The following ESPL1 variants were observed in gnomAD, a reference collection of about 807,000 sequenced individuals.
ESPL1 encodes extra spindle pole bodies like 1, separase.
In ESPL1, 50 loss-of-function variants were observed where a neutral mutation model predicts 217.2. That is an observed-to-expected ratio of 0.23 (90% CI 0.18 to 0.29). The LOEUF is 0.29. ESPL1 is among the 10% of genes least tolerant of loss of function. ESPL1 has a pLI of 1.00. For missense variants in ESPL1, 1,834 were observed against 2,603.0 expected (o/e 0.70, Z 6.43); for synonymous variants, 994 against 1,081.3 (o/e 0.92, Z 1.58).
rs750578646 is a variant in ESPL1, at chr12:53,293,116, C to T, written c.6161+146C>T. On this transcript the variant is annotated intron_variant, in intron 30 of 30. Coordinates refer to ENST00000257934, the MANE Select transcript of ESPL1 (RefSeq NM_012291.5). The surrounding 1 kb of genome is among the most constrained non-coding windows in gnomAD (Gnocchi z 4.2). ...TCCCTGGCATGCCTGGACCATTAAC[C>T]CTTAGCTCCCTTCTGTTCTTCTCTT... The T allele has an allele frequency of 1.5e-5, 15 of 971,412 alleles. No individual in the cohort carries two copies. The highest frequency in any genetic ancestry group is 4.5e-5 in the Admixed American group (2 of 44,078). The allele number at this position is 971,412 out of a possible 1,614,324, so 60.2% of individuals were successfully genotyped here. A position where few individuals can be genotyped will look rare whatever the true frequency, so the allele number is the denominator to read the frequency against.
rs778610454 is a variant in ESPL1 at position 53,288,082 on chromosome 12, G to A, written c.4287G>A (p.Arg1429=). The A allele has an allele frequency of 1.2e-6, 2 of 1,613,704 alleles. No homozygotes were observed. The highest frequency in any genetic ancestry group is 3.3e-5 in the Admixed American group (2 of 60,032). ...CTTCCCGGGGCCGGGGGCGAGCAAG[G>A]AAGGGCCTGAGCCTAAAGACGGATG... The part of the protein sequence containing the change: ...GTASRGRGRA[R]KGLSLKTDAV... The change falls in exon 19 of 31, where the codon AGG becomes AGA. Residue 1429 remains arginine, a synonymous_variant. Transcript: ENST00000257934.
At chr12:53,278,386 A>G (rs12828676) in intron 11 of ESPL1, among the ~76,000 whole-genome samples, 1 of 151,648 alleles carries the variant, frequency 6.6e-6, no homozygotes, top group African/African-American at 2.4e-5. Context: ...CTGAGGCAGG[A>G]GAATCCCTTG....
chr12:53,284,031 T>G, intron 16 of ESPL1, 27 bp from the exon 17 acceptor site: 1 of 1,489,694 alleles, frequency 6.7e-7, no homozygotes, highest in Non-Finnish European at 9.4e-7. Context: ...ATTCCTCTGA[T>G]TGGTTCTCCT....
intron 12 of ESPL1, among the ~76,000 whole-genome samples, chr12:53,280,856 G>T (rs1476389798): frequency 6.6e-6 from 1 of 151,728 alleles, no homozygotes; most frequent in East Asian, 2.0e-4. Context: ...AGCCAGGTAT[G>T]GTGGCGCATG....
rs1461898150 is a variant in ESPL1 at position 53,269,218 on chromosome 12, T to C, written c.276T>C (p.Arg92=). 6.2e-7 allele frequency: 1 copy of C among 1,614,100 alleles called. No homozygotes were observed. Among genetic ancestry groups the C allele is most frequent in the Non-Finnish European group, 8.5e-7 (1 of 1,179,998 alleles). The change falls in exon 3 of 31, where the codon CGT becomes CGC. Residue 92 remains arginine (R), a synonymous_variant. Coordinates refer to ENST00000257934, the MANE Select transcript of ESPL1 (RefSeq NM_012291.5). The surrounding 1 kb of genome is among the most constrained non-coding windows in gnomAD (Gnocchi z 6.7). ...GCTACTTAGTGTCTACCCCACAGCG[T>C]CCTCCCCTCTACCTGGAACGAATTC... is the stretch of plus-strand genomic sequence containing the variant. ...CDGYLVSTPQ[R]PPLYLERILF...
chr12:53,286,383 C>T lies in ESPL1; in HGVS notation c.3647C>T (p.Pro1216Leu). The T allele has an allele frequency of 6.2e-7, 1 of 1,614,214 alleles. No homozygotes were observed. Among genetic ancestry groups the T allele is most frequent in the Non-Finnish European group, 8.5e-7 (1 of 1,180,042 alleles). The stretch of plus-strand genomic sequence containing the variant: ...CATAAAACACCCCCCTCCTTGGTTC[C>T]AAGCCTCTTGGATGAGATCTTGGCT... ...LNHKTPPSLV[P>L]SLLDEILAQA... Residue 1216 changes from proline (P) to leucine (L), a missense_variant, in exon 18 of 31, where the codon CCA (proline) becomes CTA (leucine). Coordinates refer to ENST00000257934, the MANE Select transcript of ESPL1 (RefSeq NM_012291.5). The surrounding 1 kb of genome is among the most constrained non-coding windows in gnomAD (Gnocchi z 5.3).
intron 12 of ESPL1, 57 bp downstream of exon 12, chr12:53,279,923 C>T (rs1482575387): frequency 2.0e-6 from 3 of 1,489,338 alleles, no homozygotes; most frequent in African/African-American, 1.4e-5. Context: ...CTTTAGAGGC[C>T]CACCTCTGAG....
Position 53,277,954 on chromosome 12 carries a change from G to T in ESPL1, c.2358G>T (p.Val786=), listed in dbSNP as rs1385087388. The change falls in exon 11 of 31, where the codon GTG becomes GTT. Residue 786 remains valine (V), a synonymous_variant. Coordinates refer to ENST00000257934, the MANE Select transcript of ESPL1 (RefSeq NM_012291.5). ...TCCTAGCAGCCCTCTACCAGCTGGT[G>T]GCAAAGGTAATGGGGTGGGGCATTG... The part of the protein sequence containing the change: ...LQILAALYQL[V]AKPMQALEVL... The T allele has an allele frequency of 1.2e-6, 2 of 1,613,444 alleles. No homozygotes were observed. Among genetic ancestry groups the T allele is most frequent in the Non-Finnish European group, 1.7e-6 (2 of 1,179,912 alleles).
At chr12:53,289,992 C>A in intron 22 of ESPL1, 93 bp from the exon 23 acceptor site, 1 of 1,457,520 alleles carries the variant, frequency 6.9e-7, no homozygotes. Context: ...CTTCTTGATG[C>A]TGGCTTGAGT....
Position 53,269,351 on chromosome 12 carries a change from C to A in ESPL1, c.409C>A (p.Pro137Thr). The change falls in exon 3 of 31, where the codon CCC becomes ACC. Residue 137 changes from proline (P) to threonine (T), a missense_variant. Pro to Thr is a conservative substitution (Grantham distance 38, BLOSUM62 -1). This residue lies in a region of ESPL1 where 746 missense variants were observed against 1,077.0 expected (regional missense o/e 0.69). Transcript: ENST00000257934. The surrounding 1 kb of genome is among the most constrained non-coding windows in gnomAD (Gnocchi z 6.7). Reference protein sequence around the residue: ...CLVQCSREAAPQDYEAVARGS... With the variant: ...CLVQCSREAATQDYEAVARGS... The stretch of plus-strand genomic sequence containing the variant: ...GGTGCAGTGCTCTCGCGAGGCTGCT[C>A]CCCAGGACTATGAGGCCGTGGCTCG... The A allele has an allele frequency of 6.2e-7, 1 of 1,614,056 alleles. No homozygotes were observed. Among genetic ancestry groups the A allele is most frequent in the East Asian group, 2.2e-5 (1 of 44,880 alleles).
chr12:53,268,679 C>T (rs1487466325), intron 1 of ESPL1, 76 bp from the exon 2 acceptor site: 6 of 850,266 alleles, frequency 7.1e-6, no homozygotes, highest in Non-Finnish European at 1.1e-5. Context: ...TGCCTCCTTC[C>T]ACGACCTTCA....
In ESPL1 at chr12:53,290,850, G is replaced by A. The variant is rs922657236; in HGVS notation, c.5374G>A (p.Ala1792Thr). The change falls in exon 25 of 31, where the codon GCT (alanine) becomes ACT (threonine). Residue 1792 changes from alanine (A) to threonine (T), a missense_variant. Ala to Thr is a moderately conservative substitution (Grantham distance 58). Coordinates refer to ENST00000257934, the MANE Select transcript of ESPL1 (RefSeq NM_012291.5). ...TGCCCTCTGCATTCAGGTTCTCATC[G>A]CTTCCCTAGAGAAGTCTGTGCTGGG... ...ALDHRMEVLI[A>T]SLEKSVLGCW... 41 of 1,608,304 alleles carry A rather than the reference G, an allele frequency of 2.5e-5. No homozygotes were observed. Among genetic ancestry groups the A allele is most frequent in the Non-Finnish European group, 3.5e-5 (41 of 1,177,242 alleles).
intron 6 of ESPL1, 128 bp downstream of exon 6, chr12:53,272,985 G>A (rs1260762571): frequency 1.1e-6 from 1 of 881,482 alleles, no homozygotes; most frequent in Non-Finnish European, 1.7e-6. Flanking sequence ...ACCAGTATCT[G>A]GAGCAGTGTT....
chr12:53,279,653 C>T (rs1943828376), intron 11 of ESPL1, 79 bp from the exon 12 acceptor site: 4 of 1,585,950 alleles, frequency 2.5e-6, no homozygotes, highest in Non-Finnish European at 3.4e-6. Flanking sequence ...AGTCCAAGGT[C>T]CCAAAGGGCT....
At position 53,283,214 on chromosome 12, in the gene ESPL1, C is replaced by T. The variant is rs75893829; in HGVS notation, c.2877C>T (p.Leu959=). 202 of 1,614,226 alleles carry T rather than the reference C, an allele frequency of 1.3e-4. 2 individuals carry two copies. The East Asian group carries it at 4.4e-3, about 35-fold the overall frequency. The change falls in exon 15 of 31, where the codon CTC becomes CTT. Residue 959 remains leucine (L), a synonymous_variant. Transcript: ENST00000257934. The part of the protein sequence containing the change: ...IILLLMGSDI[L]STQKAAVETS... ...TCCTGCTGATGGGCAGTGACATTCT[C>T]TCAACTCAGAAAGCAGCTGTGGAGA... is the stretch of plus-strand genomic sequence containing the variant.
Position 53,269,184 on chromosome 12 carries a change from C to G in ESPL1, c.242C>G (p.Ala81Gly), listed in dbSNP as rs756040881. The G allele has an allele frequency of 6.2e-7, 1 of 1,614,162 alleles. No individual in the cohort carries two copies. Among genetic ancestry groups the G allele is most frequent in the East Asian group, 2.2e-5 (1 of 44,882 alleles). The change falls in exon 3 of 31, where the codon GCC (alanine) becomes GGC (glycine). Residue 81 changes from alanine to glycine, a missense_variant. Physicochemically the swap from Ala to Gly is moderately conservative, Grantham distance 60. Coordinates refer to ENST00000257934, the MANE Select transcript of ESPL1 (RefSeq NM_012291.5). This position sits in a 1 kb window ranked among gnomAD's most constrained non-coding sequence, Gnocchi z 6.7. Reference sequence around the variant, plus strand: ...AGCCTGCTGGAGCTGGCAGAGCTGGCCTGTGATGGCTACTTAGTGTCTACC... The same window carrying G: ...AGCCTGCTGGAGCTGGCAGAGCTGGGCTGTGATGGCTACTTAGTGTCTACC... ...LGSLLELAEL[A>G]CDGYLVSTPQ...
chr12:53,269,860 A>G lies in ESPL1; in HGVS notation c.918A>G (p.Glu306=). ...TTAAGCTGCTGCAGGTTGGGGAGGA[A>G]GGACCTCAGGCAGTGGCCAAGCTTC... ...LGVKLLQVGE[E]GPQAVAKLLI... The change falls in exon 3 of 31, where the codon GAA becomes GAG. Residue 306 remains glutamate (E), a synonymous_variant. Transcript: ENST00000257934. The surrounding 1 kb of genome is among the most constrained non-coding windows in gnomAD (Gnocchi z 6.7). The G allele has an allele frequency of 6.2e-7, 1 of 1,614,246 alleles. No homozygotes were observed.
In ESPL1 at chr12:53,289,443, C is replaced by A. The variant is rs977264249; in HGVS notation, c.4962C>A (p.Asp1654Glu). 6.2e-7 allele frequency: 1 copy of A among 1,614,128 alleles called. No homozygotes were observed. Among genetic ancestry groups the A allele is most frequent in the Non-Finnish European group, 8.5e-7 (1 of 1,180,032 alleles). Residue 1654 changes from aspartate to glutamate, a missense_variant, in exon 22 of 31, where the codon GAC (aspartate) becomes GAA (glutamate). Transcript: ENST00000257934. ...ACCGAGGATCACTTGAAATAGCAGA[C>A]CAGCTGCAGGGGCTGAGCCTTCAGG... is the stretch of plus-strand genomic sequence containing the variant. ...QKHRGSLEIA[D>E]QLQGLSLQEM...
chr12:53,268,502 G>A (rs1169560304), intron 1 of ESPL1, 125 bp downstream of exon 1: 2 of 470,134 alleles, frequency 4.3e-6, no homozygotes, highest in South Asian at 2.4e-5. Flanking sequence ...GACTGCCCCG[G>A]GCCGCTGAAG....
Sources: allele counts gnomAD v4.1 joint callset (sites outside exome capture counted in the v4.1 genomes callset), GRCh38; gene constraint gnomAD v4.1.1; regional missense constraint gnomAD v4.1.1; non-coding constraint Gnocchi (gnomAD v3.1); transcripts MANE v1.5; gene names NCBI Gene and HGNC (gene_info 2026-07-23, HGNC 2026-07-21).